MEI4: variants seen among roughly 807,000 people sequenced by gnomAD.
MEI4 encodes meiotic double-stranded break formation protein 4.
In MEI4, 27 loss-of-function variants were observed where a neutral mutation model predicts 31.4. The ratio of observed to expected loss-of-function variants is 0.86; its 90% confidence interval spans 0.63 to 1.19. MEI4 has a LOEUF of 1.19. Ranked by LOEUF, MEI4 falls within the 50% of genes most tolerant of loss-of-function variation. The probability of loss-of-function intolerance (pLI) is 0.00; values close to 1 mark genes in which losing one functional copy is unlikely to be tolerated. For synonymous variants in MEI4, 122 were observed against 145.4 expected (o/e 0.84, Z 1.16); for missense variants, 329 against 398.9 (o/e 0.82, Z 1.49).
chr6:77,780,099 T>C (rs1162372007), intron 3 of MEI4, among the ~76,000 whole-genome samples: 1 of 151,940 alleles, frequency 6.6e-6, no homozygotes, highest in Non-Finnish European at 1.5e-5. Context: ...AGGGTTGGAG[T>C]CCGGTCTGAG....
chr6:77,912,734 G>C (rs1581974631), intron 4 of MEI4, among the ~76,000 whole-genome samples: 1 of 152,014 alleles, frequency 6.6e-6, no homozygotes, highest in Non-Finnish European at 1.5e-5. Context: ...CTAGATAAAA[G>C]ATATCATTTG....
Position 77,660,261 on chromosome 6 carries a change from G to A in MEI4, c.-15+7169G>A, listed in dbSNP as rs368668130. 1.3e-3 allele frequency among the ~76,000 whole-genome samples: 191 copies of A among 152,180 alleles called. 1 individual carries two copies. The highest frequency in any genetic ancestry group is 3.9e-3 in the African/African-American group (163 of 41,514). On this transcript the variant is annotated intron_variant, in intron 1 of 4. Transcript: ENST00000684080. ...AGTGTGGTGGAGGTAGCTGGGGAGC[G>A]GTAGAGGGTGGCATAAGAATGGGAA... is the stretch of plus-strand genomic sequence containing the variant.
chr6:77,703,932 G>T lies in MEI4; in HGVS notation c.232+13029G>T, dbSNP rs75926831. On this transcript the variant is annotated intron_variant, in intron 2 of 4. Coordinates refer to ENST00000684080, the MANE Select transcript of MEI4 (RefSeq NM_001322247.2). ...AAGGGACTGTGAGTGTGAGGGCGGGGGTTGGTAGTTGAAGAGAGTGCAAAT... is the reference window on the plus strand; with the variant it reads ...AAGGGACTGTGAGTGTGAGGGCGGGTGTTGGTAGTTGAAGAGAGTGCAAAT... Among the ~76,000 whole-genome samples the T allele has an allele frequency of 3.5e-3, 533 of 152,250 alleles. 2 individuals are homozygous for T. The highest frequency in any genetic ancestry group is 0.012 in the African/African-American group (493 of 41,544).
intron 3 of MEI4, among the ~76,000 whole-genome samples, chr6:77,785,212 G>T (rs79590914): frequency 2.0e-5 from 3 of 152,044 alleles, no homozygotes; most frequent in African/African-American, 7.2e-5. Flanking sequence ...GTTTTTGGAG[G>T]CACTTTGTAA....
At chr6:77,773,495 T>C (rs1178533149) in intron 3 of MEI4, among the ~76,000 whole-genome samples, 2 of 152,014 alleles carry the variant, frequency 1.3e-5, no homozygotes, top group Non-Finnish European at 2.9e-5. Flanking sequence ...AAAGGAGTGA[T>C]ACTAGACCCC....
chr6:77,753,579 A>T (rs956768770), intron 2 of MEI4, among the ~76,000 whole-genome samples: 1 of 152,222 alleles, frequency 6.6e-6, no homozygotes, highest in Admixed American at 6.5e-5. Context: ...TAGAATGGCA[A>T]TCATTAAAAA....
chr6:77,923,142 G>T lies in MEI4; in HGVS notation c.954G>T (p.Trp318Cys), dbSNP rs1298376481. The T allele has an allele frequency of 2.4e-6, 3 of 1,230,388 alleles. No homozygotes were observed. The highest frequency in any genetic ancestry group is 3.1e-5 in the African/African-American group (2 of 64,238). The allele number at this position is 1,230,388 out of a possible 1,614,324, so 76.2% of individuals were successfully genotyped here. ...SRYENIFYLF[W>C]VLEQLLQKET... ...ATGAAAACATTTTCTACCTGTTCTGGGTTCTGGAGCAGCTTCTTCAAAAGG... is the reference window on the plus strand; with the variant it reads ...ATGAAAACATTTTCTACCTGTTCTGTGTTCTGGAGCAGCTTCTTCAAAAGG... Residue 318 changes from tryptophan (W) to cysteine (C), a missense_variant, in exon 5 of 5, where the codon TGG becomes TGT. Trp to Cys is a radical substitution (Grantham distance 215, BLOSUM62 -2). Transcript: ENST00000684080.
chr6:77,737,798 G>T (rs948160015), intron 2 of MEI4, among the ~76,000 whole-genome samples: 2 of 152,198 alleles, frequency 1.3e-5, no homozygotes, highest in Non-Finnish European at 2.9e-5. Context: ...GGTCAAGGAA[G>T]AAGTCAAGGT....
intron 4 of MEI4, among the ~76,000 whole-genome samples, chr6:77,854,640 A>G (rs1460562044): frequency 6.6e-6 from 1 of 152,200 alleles, no homozygotes; most frequent in Non-Finnish European, 1.5e-5. Context: ...AGCTATATGT[A>G]GACACCATTT....
chr6:77,785,815 T>C (rs1768720981), intron 3 of MEI4, among the ~76,000 whole-genome samples: 1 of 152,136 alleles, frequency 6.6e-6, no homozygotes, highest in Non-Finnish European at 1.5e-5. Flanking sequence ...CTGCCATTTT[T>C]TTGCAACTGT....
chr6:77,908,418 T>A (rs1766350298), intron 4 of MEI4, among the ~76,000 whole-genome samples: 1 of 152,292 alleles, frequency 6.6e-6, no homozygotes, highest in Admixed American at 6.5e-5. Flanking sequence ...CGTTTCCCCA[T>A]TTCTTGTTTT....
intron 4 of MEI4, among the ~76,000 whole-genome samples, chr6:77,842,089 G>A (rs1770379860): frequency 6.6e-6 from 1 of 152,130 alleles, no homozygotes. Flanking sequence ...AGTTTGACTT[G>A]TGTCATTTCT....
Position 77,923,314 on chromosome 6 carries a change from A to G in MEI4, c.1126A>G (p.Ser376Gly). Residue 376 changes from serine to glycine, a missense_variant, in exon 5 of 5, where the codon AGC (serine) becomes GGC (glycine). Transcript: ENST00000684080. ...TTTATGGAGAGTGGGCATTCTTTTG[A>G]GCTCAGCACAGATAGAAACTCTTAG... is the stretch of plus-strand genomic sequence containing the variant. ...FYLWRVGILL[S>G]SAQIETLRK The G allele has an allele frequency of 1.1e-5, 14 of 1,229,988 alleles. No homozygotes were observed. Among genetic ancestry groups the G allele is most frequent in the Non-Finnish European group, 1.4e-5 (14 of 986,488 alleles). 76.2% of individuals were successfully genotyped at this position (1,229,988 alleles called of 1,614,324 possible). A position where few individuals can be genotyped will look rare whatever the true frequency, so the allele number is the denominator to read the frequency against.
At chr6:77,732,898 G>T (rs1267367520) in intron 2 of MEI4, among the ~76,000 whole-genome samples, 3 of 151,422 alleles carry the variant, frequency 2.0e-5, no homozygotes, top group Non-Finnish European at 4.4e-5. Flanking sequence ...TGTGGTTTTT[G>T]TCTTTGGTTC....
At chr6:77,666,175 C>T (rs923471323) in intron 1 of MEI4, among the ~76,000 whole-genome samples, 5 of 151,398 alleles carry the variant, frequency 3.3e-5, no homozygotes, top group Non-Finnish European at 7.4e-5. Flanking sequence ...CAATGTTTTG[C>T]GGGCAGGGGG....
intron 2 of MEI4, among the ~76,000 whole-genome samples, chr6:77,734,954 A>G (rs1187784513): frequency 1.3e-5 from 2 of 151,898 alleles, no homozygotes; most frequent in Non-Finnish European, 2.9e-5. Context: ...AGAATGTTGA[A>G]TATTGGCCCC....
At chr6:77,759,160 T>C (rs868856073) in intron 2 of MEI4, among the ~76,000 whole-genome samples, 25 of 152,190 alleles carry the variant, frequency 1.6e-4, no homozygotes, top group African/African-American at 6.0e-4. Context: ...TTCATGTATG[T>C]AACTCTTCTT....
At chr6:77,708,072 G>T (rs532908004) in intron 2 of MEI4, among the ~76,000 whole-genome samples, 33 of 152,208 alleles carry the variant, frequency 2.2e-4, no homozygotes, top group Admixed American at 9.2e-4. Context: ...ACTGTCTAGT[G>T]GAGCTGTGAG....
chr6:77,882,596 T>G (rs1269275061), intron 4 of MEI4, among the ~76,000 whole-genome samples: 2 of 152,178 alleles, frequency 1.3e-5, no homozygotes. Context: ...TTAGCTCTGA[T>G]GTGCGTTGAG....
Sources: gnomAD v4.1 joint callset for allele counts (sites outside exome capture counted in the v4.1 genomes callset) on GRCh38, gnomAD v4.1.1 for gene constraint, MANE v1.5 for transcripts, NCBI Gene and HGNC (gene_info 2026-07-23, HGNC 2026-07-21) for gene names.